The following AHNAK2 variants were observed in gnomAD, a reference collection of about 807,000 sequenced individuals.
The protein encoded by AHNAK2 is protein AHNAK2.
In AHNAK2, 18 loss-of-function variants were observed where a neutral mutation model predicts 30.7. That is an observed-to-expected ratio of 0.59 (90% CI 0.41 to 0.87). AHNAK2 has a LOEUF of 0.87. Ranked by LOEUF, AHNAK2 falls within the 40% of genes least tolerant of loss-of-function variation. The pLI is 0.00. For missense variants in AHNAK2, 8,604 were observed against 7,373.0 expected (o/e 1.17, Z -6.11); for synonymous variants, 3,590 against 3,073.8 (o/e 1.17, Z -5.56).
In AHNAK2 at chr14:104,938,681, TGTGA is replaced by T. The variant is rs749903025; in HGVS notation, c.16766_16769del (p.Leu5589HisfsTer113). On this transcript the variant is annotated frameshift_variant, in exon 7 of 7. Coordinates refer to ENST00000333244, the MANE Select transcript of AHNAK2 (RefSeq NM_138420.4). LOFTEE classifies it low-confidence loss of function (END_TRUNC). Reference sequence around the variant, plus strand: ...GCTGGTGGCCAGAAGGAACTTCAAATGTGAGTGTTTGCTGTCCCAGTACATTGAC... The same window carrying T: ...GCTGGTGGCCAGAAGGAACTTCAAATGTGTTTGCTGTCCCAGTACATTGAC... 3 of 1,612,848 alleles carry T rather than the reference TGTGA, an allele frequency of 1.9e-6. No homozygotes were observed. Among genetic ancestry groups the T allele is most frequent in the South Asian group, 2.2e-5 (2 of 90,792 alleles).
Position 104,945,371 on chromosome 14 carries a change from GA to G in AHNAK2, c.10079del (p.Leu3360ProfsTer15). On this transcript the variant is annotated frameshift_variant, in exon 7 of 7. Transcript: ENST00000333244. LOFTEE classifies it low-confidence loss of function (END_TRUNC). ...CCTGGACCTCCAGGTCCACAGAAGG[GA>G]GCTGAATGCTGAGGTCAGTGGTCTT... is the stretch of plus-strand genomic sequence containing the variant. ...DLKTTDLSIQ[L>X]PSVDLEVQAG... is the part of the protein sequence containing the mutation. The G allele has an allele frequency of 6.2e-7, 1 of 1,612,694 alleles. No individual in the cohort carries two copies. The highest frequency in any genetic ancestry group is 1.3e-5 in the African/African-American group (1 of 74,628).
chr14:104,955,962 A>G (rs542518603), intron 4 of AHNAK2, among the ~76,000 whole-genome samples: 1 of 124,564 alleles, frequency 8.0e-6, no homozygotes, highest in Admixed American at 7.5e-5. Flanking sequence ...TCTCTTTTTC[A>G]GCTCCTTCAT....
chr14:104,977,708 G>A (rs1349568354), intron 1 of AHNAK2, among the ~76,000 whole-genome samples: 1 of 152,214 alleles, frequency 6.6e-6, no homozygotes, highest in Non-Finnish European at 1.5e-5. Flanking sequence ...GCAGGTGAGA[G>A]GGCAAGCCTG....
Position 104,943,228 on chromosome 14 carries a change from C to G in AHNAK2, c.12223G>C (p.Gly4075Arg), listed in dbSNP as rs1898076779. 6.2e-7 allele frequency: 1 copy of G among 1,612,978 alleles called. No homozygotes were observed. Among genetic ancestry groups the G allele is most frequent in the Non-Finnish European group, 8.5e-7 (1 of 1,179,576 alleles). The change falls in exon 7 of 7, where the codon GGC becomes CGC. Residue 4075 changes from glycine (G) to arginine (R), a missense_variant. Physicochemically the swap from Gly to Arg is moderately radical, Grantham distance 125 (BLOSUM62 -2). Coordinates refer to ENST00000333244, the MANE Select transcript of AHNAK2 (RefSeq NM_138420.4). ...GGGCCTTTCAGGTCCAGCTTGGGGC[C>G]CTTAACATCTATCTGGGGGCCCTTG... ...DLKGPQIDVKGPKLDLKGPKA... is the reference protein window; with the variant it reads ...DLKGPQIDVKRPKLDLKGPKA...
chr14:104,951,515 C>T lies in AHNAK2; in HGVS notation c.3936G>A (p.Gly1312=), dbSNP rs1249532046. The T allele has an allele frequency of 1.6e-6, 2 of 1,247,410 alleles. 1 individual carries two copies. The highest frequency in any genetic ancestry group is 3.7e-5 in the Admixed American group (2 of 53,610). 77.3% of individuals were successfully genotyped at this position (1,247,410 alleles called of 1,614,324 possible). A position where few individuals can be genotyped will look rare whatever the true frequency, so the allele number is the denominator to read the frequency against. Residue 1312 remains glycine, a synonymous_variant, in exon 7 of 7, where the codon GGG becomes GGA. Transcript: ENST00000333244. ...CGTCCTTGTCAGCCAGGGACAGGTCCCCGTCCAGCTGTGCGCCATCCAACT... is the reference window on the plus strand; with the variant it reads ...CGTCCTTGTCAGCCAGGGACAGGTCTCCGTCCAGCTGTGCGCCATCCAACT... ...GAKLDGAQLD[G]DLSLADKDVT...
rs1043881792 is a variant in AHNAK2 at position 104,966,247 on chromosome 14, C to T, written c.56-8575G>A. On this transcript the variant is annotated intron_variant, in intron 1 of 6. Coordinates refer to ENST00000333244, the MANE Select transcript of AHNAK2 (RefSeq NM_138420.4). This position sits in a 1 kb window ranked among gnomAD's most constrained non-coding sequence, Gnocchi z 4.3. ...CGGCCCCGCCACCTTCCTACTGCTC[C>T]GGGGGCCAGGCCCAGACCCCTGGCC... Among the ~76,000 whole-genome samples the T allele has an allele frequency of 6.6e-6, 1 of 152,090 alleles. No homozygotes were observed. Among genetic ancestry groups the T allele is most frequent in the African/African-American group, 2.4e-5 (1 of 41,398 alleles).
chr14:104,971,071 C>T (rs1355618453), intron 1 of AHNAK2, among the ~76,000 whole-genome samples: 3 of 152,182 alleles, frequency 2.0e-5, no homozygotes, highest in African/African-American at 7.2e-5. Context: ...GCGGCCACCA[C>T]ACCTCGAAGC....
Position 104,941,688 on chromosome 14 carries a change from T to A in AHNAK2, c.13763A>T (p.Glu4588Val), listed in dbSNP as rs754074042. The A allele has an allele frequency of 1.2e-6, 2 of 1,613,588 alleles. No homozygotes were observed. Among genetic ancestry groups the A allele is most frequent in the Non-Finnish European group, 1.7e-6 (2 of 1,179,830 alleles). The part of the protein sequence containing the change: ...PKAEVMAPDV[E>V]VSLPSVETDV... ...CGTCTCCACGCTGGGCAGAGACACC[T>A]CCACATCGGGGGCCATCACCTCTGC... is the stretch of plus-strand genomic sequence containing the variant. The change falls in exon 7 of 7, where the codon GAG becomes GTG. Residue 4588 changes from glutamate to valine, a missense_variant. Coordinates refer to ENST00000333244, the MANE Select transcript of AHNAK2 (RefSeq NM_138420.4).
intron 1 of AHNAK2, 58 bp from the exon 2 acceptor site, chr14:104,957,730 C>T (rs927458485): frequency 3.2e-6 from 5 of 1,543,390 alleles, no homozygotes; most frequent in African/African-American, 2.7e-5. Context: ...GATCGGGGCC[C>T]GGGGGAGGGA....
chr14:104,952,894 C>G lies in AHNAK2; in HGVS notation c.2557G>C (p.Glu853Gln). 2 of 1,611,206 alleles carry G rather than the reference C, an allele frequency of 1.2e-6. No individual in the cohort carries two copies. Among genetic ancestry groups the G allele is most frequent in the Non-Finnish European group, 1.7e-6 (2 of 1,179,248 alleles). The change falls in exon 7 of 7, where the codon GAG becomes CAG. Residue 853 changes from glutamate to glutamine, a missense_variant. By Grantham distance (29) the Glu-to-Gln change is conservative (BLOSUM62 2). Coordinates refer to ENST00000333244, the MANE Select transcript of AHNAK2 (RefSeq NM_138420.4). ...FGVSAPGKSM[E>Q]DSVDVSAPKV... ...GGCGCAGACACATCCACCGAGTCCT[C>G]CATGGACTTGCCTGGGGCCGACACC... is the stretch of plus-strand genomic sequence containing the variant.
At position 104,940,093 on chromosome 14, in the gene AHNAK2, G is replaced by A. The variant is rs750629813; in HGVS notation, c.15358C>T (p.Leu5120=). The A allele has an allele frequency of 6.2e-7, 1 of 1,613,176 alleles. No homozygotes were observed. The highest frequency in any genetic ancestry group is 1.3e-5 in the African/African-American group (1 of 74,924). ...GACAGATCATGTTTGGGAAGAGGCA[G>A]GTCAGCTTCAGGCTGGCTCACCTCC... is the stretch of plus-strand genomic sequence containing the variant. ...KVEVSQPEAD[L]PLPKHDLSTE... The change falls in exon 7 of 7, where the codon CTG becomes TTG. Residue 5120 remains leucine, a synonymous_variant. Coordinates refer to ENST00000333244, the MANE Select transcript of AHNAK2 (RefSeq NM_138420.4). This position sits in a 1 kb window ranked among gnomAD's most constrained non-coding sequence, Gnocchi z 4.4.
Position 104,949,512 on chromosome 14 carries a change from T to C in AHNAK2, c.5939A>G (p.Asp1980Gly). The C allele has an allele frequency of 1.9e-6, 3 of 1,587,672 alleles. 1 individual carries two copies. The highest frequency in any genetic ancestry group is 3.5e-5 in the Admixed American group (2 of 57,502). Reference protein sequence around the residue: ...LEGDLSLADKDMTAKDSKFKM... With the variant: ...LEGDLSLADKGMTAKDSKFKM... ...GAACTTGCTGTCTTTGGCAGTCATGTCCTTGTCGGCCAGGGACAGGTCTCC... is the reference window on the plus strand; with the variant it reads ...GAACTTGCTGTCTTTGGCAGTCATGCCCTTGTCGGCCAGGGACAGGTCTCC... The change falls in exon 7 of 7, where the codon GAC becomes GGC. Residue 1980 changes from aspartate (D) to glycine (G), a missense_variant. Coordinates refer to ENST00000333244, the MANE Select transcript of AHNAK2 (RefSeq NM_138420.4).
chr14:104,942,846 G>A lies in AHNAK2; in HGVS notation c.12605C>T (p.Pro4202Leu), dbSNP rs200043296. 7.7e-4 allele frequency: 1,235 copies of A among 1,612,416 alleles called. 9 individuals carry two copies. In the African/African-American group the frequency reaches 0.012, roughly 15 times the overall value. ...GGCTCCCTTGGGCAGGGGGCCCTCCGGGAGTTTCACGTCCACTTGGCCAGC... is the reference window on the plus strand; with the variant it reads ...GGCTCCCTTGGGCAGGGGGCCCTCCAGGAGTTTCACGTCCACTTGGCCAGC... ...VQAGQVDVKL[P>L]EGPLPKGAGL... Residue 4202 changes from proline (P) to leucine (L), a missense_variant, in exon 7 of 7, where the codon CCG becomes CTG. By Grantham distance (98) the Pro-to-Leu change is moderately conservative. Coordinates refer to ENST00000333244, the MANE Select transcript of AHNAK2 (RefSeq NM_138420.4).
chr14:104,937,264 ACTTT>A lies in AHNAK2; in HGVS notation c.*795_*798del, dbSNP rs1422299269. ...AGCAGCCTTCAGCATGGGATGCAGC[ACTTT>A]CTTTATTGCCCATCCAGGGAACAGC... On this transcript the variant is annotated 3_prime_UTR_variant, in exon 7 of 7. Coordinates refer to ENST00000333244, the MANE Select transcript of AHNAK2 (RefSeq NM_138420.4). The A allele has an allele frequency of 6.6e-6, 1 of 152,250 alleles. No individual in the cohort carries two copies. The highest frequency in any genetic ancestry group is 1.5e-5 in the Non-Finnish European group (1 of 68,100). The allele number at this position is 152,250 out of a possible 1,614,324, so 9.4% of individuals were successfully genotyped here.
rs753860097 is a variant in AHNAK2, at chr14:104,941,294, A to C, written c.14157T>G (p.Asp4719Glu). 6.2e-7 allele frequency: 1 copy of C among 1,613,586 alleles called. No individual in the cohort carries two copies. The highest frequency in any genetic ancestry group is 8.5e-7 in the Non-Finnish European group (1 of 1,179,840). The change falls in exon 7 of 7, where the codon GAT (aspartate) becomes GAG (glutamate). Residue 4719 changes from aspartate (D) to glutamate (E), a missense_variant. By Grantham distance (45) the Asp-to-Glu change is conservative. Coordinates refer to ENST00000333244, the MANE Select transcript of AHNAK2 (RefSeq NM_138420.4). ...TAGACTTTGCACCTGGGACTAAACT[A>C]TCTTTAGGAGTTTTGGTAGAAGAAA... The part of the protein sequence containing the change: ...VSFSSTKTPK[D>E]SLVPGAKSSI...
chr14:104,942,502 T>C lies in AHNAK2; in HGVS notation c.12949A>G (p.Ile4317Val), dbSNP rs1465851987. 1.7e-5 allele frequency: 28 copies of C among 1,612,812 alleles called. No individual in the cohort carries two copies. The highest frequency in any genetic ancestry group is 2.2e-5 in the Non-Finnish European group (26 of 1,179,558). ...GCAGACACATCCAACGAGGCCTCGA[T>C]GGACTTGCCTGGGGCAGACACCCCG... ...SFGVSAPGKS[I>V]EASLDVSALK... The change falls in exon 7 of 7, where the codon ATC becomes GTC. Residue 4317 changes from isoleucine (I) to valine (V), a missense_variant. Physicochemically the swap from Ile to Val is conservative, Grantham distance 29. Transcript: ENST00000333244.
chr14:104,947,861 G>A lies in AHNAK2; in HGVS notation c.7590C>T (p.Asp2530=). The change falls in exon 7 of 7, where the codon GAC becomes GAT. Residue 2530 remains aspartate (D), a synonymous_variant. Coordinates refer to ENST00000333244, the MANE Select transcript of AHNAK2 (RefSeq NM_138420.4). ...SSMQGDLKAT[D]LSIQPPSADL... ...CAGCGGAAGGGGGCTGAATGCTGAG[G>A]TCAGTGGCCTTGAGGTCCCCCTGCA... 1 of 1,612,724 alleles carries A rather than the reference G, an allele frequency of 6.2e-7. No homozygotes were observed. Among genetic ancestry groups the A allele is most frequent in the Non-Finnish European group, 8.5e-7 (1 of 1,179,592 alleles).
At position 104,948,358 on chromosome 14, in the gene AHNAK2, C is replaced by G. The variant is rs201820938; in HGVS notation, c.7093G>C (p.Asp2365His). 307 of 1,612,820 alleles carry G rather than the reference C, an allele frequency of 1.9e-4. 3 individuals carry two copies. In the African/African-American group the frequency reaches 3.7e-3, roughly 20 times the overall value. The change falls in exon 7 of 7, where the codon GAC becomes CAC. Residue 2365 changes from aspartate (D) to histidine (H), a missense_variant. Physicochemically the swap from Asp to His is moderately conservative, Grantham distance 81. Coordinates refer to ENST00000333244, the MANE Select transcript of AHNAK2 (RefSeq NM_138420.4). ...PSMQGDLKTT[D>H]LSVQPPSADL... ...GCGGAAGGGGGCTGAACGCTGAGGT[C>G]AGTGGTCTTGAGGTCCCCCTGCATG...
intron 1 of AHNAK2, among the ~76,000 whole-genome samples, chr14:104,971,062 C>T (rs1052197962): frequency 5.3e-5 from 8 of 152,158 alleles, no homozygotes; most frequent in Admixed American, 3.9e-4. Context: ...AAACTCACAG[C>T]GGCCACCACA....
Sources: allele counts gnomAD v4.1 joint callset (sites outside exome capture counted in the v4.1 genomes callset), GRCh38; gene constraint gnomAD v4.1.1; non-coding constraint Gnocchi (gnomAD v3.1); transcripts MANE v1.5; gene names NCBI Gene and HGNC (gene_info 2026-07-23, HGNC 2026-07-21).